GPC6: variants seen among roughly 807,000 people sequenced by gnomAD.
GPC6 encodes the protein glypican-6.
In GPC6, 14 loss-of-function variants were observed where a neutral mutation model predicts 55.2. The observed-to-expected ratio is 0.25, with a 90% CI of 0.17 to 0.40. GPC6 has a LOEUF of 0.40. Among genes scored for constraint, GPC6 ranks in the 10% least tolerant of loss-of-function variants. The pLI is 1.00. For synonymous variants in GPC6, 278 were observed against 259.6 expected (o/e 1.07, Z -0.68); for missense variants, 641 against 708.5 (o/e 0.90, Z 1.08).
chr13:93,305,056 G>T (rs996551629), intron 1 of GPC6, among the ~76,000 whole-genome samples: 1 of 152,116 alleles, frequency 6.6e-6, no homozygotes, highest in East Asian at 1.9e-4. Context: ...GCTGGAGCAG[G>T]TGATGGTATC....
At chr13:94,104,143 T>C (rs907036627) in intron 4 of GPC6, among the ~76,000 whole-genome samples, 4 of 152,114 alleles carry the variant, frequency 2.6e-5, no homozygotes, top group Non-Finnish European at 5.9e-5. Context: ...AATAGGGAAT[T>C]GTTTCCCCAT....
At chr13:93,757,247 C>T (rs1303868666) in intron 2 of GPC6, among the ~76,000 whole-genome samples, 4 of 152,086 alleles carry the variant, frequency 2.6e-5, no homozygotes, top group African/African-American at 4.8e-5. Context: ...TTCATGGAGA[C>T]GTCAGAGTTC....
At chr13:94,341,208 TCTC>T (rs1240893938) in intron 6 of GPC6, among the ~76,000 whole-genome samples, 1 of 152,206 alleles carries the variant, frequency 6.6e-6, no homozygotes, top group Non-Finnish European at 1.5e-5. Context: ...CTATTTGAAA[TCTC>T]CTTCTCAACT....
At chr13:94,316,247 CCAT>C (rs1483854815) in intron 6 of GPC6, among the ~76,000 whole-genome samples, 1 of 152,176 alleles carries the variant, frequency 6.6e-6, no homozygotes, top group Non-Finnish European at 1.5e-5. Flanking sequence ...TCCTACAAAA[CCAT>C]CATCCTTTTT....
chr13:94,054,842 C>A (rs1028638488), intron 4 of GPC6, among the ~76,000 whole-genome samples: 4 of 152,072 alleles, frequency 2.6e-5, no homozygotes, highest in African/African-American at 9.7e-5. Flanking sequence ...GACTTTAAAG[C>A]AAGTACTTCT....
At chr13:93,995,259 C>T (rs1159312266) in intron 3 of GPC6, among the ~76,000 whole-genome samples, 1 of 151,904 alleles carries the variant, frequency 6.6e-6, no homozygotes, top group Non-Finnish European at 1.5e-5. Context: ...ACAACCTCAG[C>T]TCAGTACAAC....
chr13:94,122,032 A>G (rs1435698481), intron 4 of GPC6, among the ~76,000 whole-genome samples: 1 of 152,118 alleles, frequency 6.6e-6, no homozygotes, highest in Non-Finnish European at 1.5e-5. Flanking sequence ...CTACTGGTCT[A>G]GTTTATGGGG....
chr13:94,268,841 G>A (rs370480912), intron 4 of GPC6, among the ~76,000 whole-genome samples: 1 of 151,532 alleles, frequency 6.6e-6, no homozygotes, highest in African/African-American at 2.4e-5. Flanking sequence ...TTATTATAAC[G>A]TTGTGACAAA....
chr13:94,338,504 C>CTAA (rs1877846010), intron 6 of GPC6, among the ~76,000 whole-genome samples: 1 of 152,086 alleles, frequency 6.6e-6, no homozygotes, highest in Non-Finnish European at 1.5e-5. Context: ...ATAATTACAC[C>CTAA]ATATTTGGTC....
chr13:93,364,326 G>T (rs1284149930), intron 1 of GPC6, among the ~76,000 whole-genome samples: 1 of 152,102 alleles, frequency 6.6e-6, no homozygotes, highest in Non-Finnish European at 1.5e-5. Context: ...GAGCTGAACA[G>T]TAAAGTTCAT....
rs567759323 is a variant in GPC6, at chr13:93,546,843, G to A, written c.319+1422G>A. ...GCCAGTGATTTTGACTTGTGTCTCT[G>A]GGAAAACAAACAAACAAAGAAAGAA... On this transcript the variant is annotated intron_variant, in intron 2 of 8. Transcript: ENST00000377047. Among the ~76,000 whole-genome samples, 5 of 152,032 alleles carry A rather than the reference G, an allele frequency of 3.3e-5. No homozygotes were observed. The East Asian group carries it at 9.6e-4, about 29-fold the overall frequency.
intron 4 of GPC6, among the ~76,000 whole-genome samples, chr13:94,144,108 TCTGTCG>T (rs1887474368): frequency 6.6e-6 from 1 of 152,038 alleles, no homozygotes; most frequent in African/African-American, 2.4e-5. Flanking sequence ...GTATCCAGCC[TCTGTCG>T]CACACTCTTT....
chr13:93,596,900 T>C (rs965093025), intron 2 of GPC6, among the ~76,000 whole-genome samples: 2 of 147,228 alleles, frequency 1.4e-5, no homozygotes, highest in African/African-American at 5.0e-5. Flanking sequence ...AGTGCCAAGA[T>C]CTGCAGTTGG....
chr13:93,716,067 A>G (rs1319565851), intron 2 of GPC6, among the ~76,000 whole-genome samples: 2 of 151,632 alleles, frequency 1.3e-5, no homozygotes, highest in Admixed American at 1.3e-4. Context: ...ATCATAACAC[A>G]GTGCATTACT....
intron 1 of GPC6, among the ~76,000 whole-genome samples, chr13:93,293,990 T>C (rs961285436): frequency 1.3e-5 from 2 of 151,538 alleles, no homozygotes; most frequent in African/African-American, 4.9e-5. Flanking sequence ...AACCCTAAAC[T>C]GTGAGTTCCT....
intron 6 of GPC6, among the ~76,000 whole-genome samples, chr13:94,352,185 G>A (rs912909004): frequency 3.3e-5 from 5 of 152,012 alleles, no homozygotes; most frequent in Admixed American, 6.5e-5. Context: ...TTAGGTCTGC[G>A]TGAGCCTGGT....
intron 2 of GPC6, among the ~76,000 whole-genome samples, chr13:93,599,855 A>G (rs1877935874): frequency 6.6e-6 from 1 of 152,206 alleles, no homozygotes. Context: ...GGAAGGAGAA[A>G]TGGAGGATGG....
intron 3 of GPC6, among the ~76,000 whole-genome samples, chr13:93,879,154 G>A (rs1367139178): frequency 2.6e-5 from 4 of 151,946 alleles, no homozygotes; most frequent in Admixed American, 1.3e-4. Flanking sequence ...CATTCTTCAC[G>A]TAGTTCTCGA....
chr13:93,674,133 T>A (rs1004456088), intron 2 of GPC6, among the ~76,000 whole-genome samples: 4 of 152,142 alleles, frequency 2.6e-5, no homozygotes, highest in Non-Finnish European at 4.4e-5. Context: ...AAACACTGTG[T>A]TAACCTAACA....
Sources: gnomAD v4.1 joint callset for allele counts (sites outside exome capture counted in the v4.1 genomes callset) on GRCh38, gnomAD v4.1.1 for gene constraint, MANE v1.5 for transcripts, NCBI Gene and HGNC (gene_info 2026-07-23, HGNC 2026-07-21) for gene names.